FHDC1: variants seen among roughly 807,000 people sequenced by gnomAD.
FHDC1 encodes FH2 domain-containing protein 1.
Under a neutral mutation model 52.6 loss-of-function variants are expected in FHDC1, and 25 were observed. The ratio of observed to expected loss-of-function variants is 0.48; its 90% confidence interval spans 0.35 to 0.66. FHDC1 has a LOEUF of 0.66. Ranked by LOEUF, FHDC1 falls within the 30% of genes least tolerant of loss-of-function variation. FHDC1 has a pLI of 0.01. For missense variants in FHDC1, 1,459 were observed against 1,452.8 expected, an observed-to-expected ratio of 1.00 and a Z score of -0.07; for synonymous variants, 616 against 581.5, an observed-to-expected ratio of 1.06 and a Z score of -0.85.
chr4:152,933,225 T>C (rs113467390), upstream of FHDC1, among the ~76,000 whole-genome samples: 2 of 152,340 alleles, frequency 1.3e-5, no homozygotes, highest in African/African-American at 4.8e-5. Flanking sequence ...TTGGGCACAC[T>C]GGGCTTCAGG....
Position 152,943,265 on chromosome 4 carries a change from C to T in FHDC1, c.208C>T (p.Pro70Ser), listed in dbSNP as rs890483478. 2 of 1,408,766 alleles carry T rather than the reference C, an allele frequency of 1.4e-6. No homozygotes were observed. Among genetic ancestry groups the T allele is most frequent in the East Asian group, 3.0e-5 (1 of 32,952 alleles). 87.3% of individuals were successfully genotyped at this position (1,408,766 alleles called of 1,614,324 possible). A position where few individuals can be genotyped will look rare whatever the true frequency, so the allele number is the denominator to read the frequency against. The change falls in exon 2 of 12, where the codon CCT (proline) becomes TCT (serine). Residue 70 changes from proline (P) to serine (S), a missense_variant. Physicochemically the swap from Pro to Ser is moderately conservative, Grantham distance 74. This residue lies in a region of FHDC1 where 513 missense variants were observed against 581.5 expected (regional missense o/e 0.88). Transcript: ENST00000511601. Reference sequence around the variant, plus strand: ...CCCACCACCTCCACTTCCTGGGGAGCCTCCCATCCCACCTCCCCCACCAGG... The same window carrying T: ...CCCACCACCTCCACTTCCTGGGGAGTCTCCCATCCCACCTCCCCCACCAGG... ...PPPPPPLPGEPPIPPPPPGLP... is the reference protein window; with the variant it reads ...PPPPPPLPGESPIPPPPPGLP...
Position 152,960,669 on chromosome 4 carries a change from GTTA to G in FHDC1, c.749+25_749+27del, listed in dbSNP as rs745830413. On this transcript the variant is annotated intron_variant, in intron 5 of 11. Transcript: ENST00000511601. ...TGCCAAAGTAAGGATACAGTCGCTG[GTTA>G]TTATTCTTCACGCAGTAAGATTTTT... 6.2e-7 allele frequency: 1 copy of G among 1,613,576 alleles called. No homozygotes were observed. The highest frequency in any genetic ancestry group is 8.5e-7 in the Non-Finnish European group (1 of 1,179,768).
chr4:152,937,699 G>A (rs761385961), intron 1 of FHDC1, among the ~76,000 whole-genome samples: 5 of 151,872 alleles, frequency 3.3e-5, no homozygotes, highest in Non-Finnish European at 5.9e-5. Flanking sequence ...GCGTGTGGGC[G>A]TCGATCTCAG....
chr4:152,944,444 T>G (rs768726443), intron 2 of FHDC1, among the ~76,000 whole-genome samples: 36 of 152,082 alleles, frequency 2.4e-4, no homozygotes, highest in Non-Finnish European at 5.1e-4. Flanking sequence ...CAGAAATTCA[T>G]CATTTAAAAA....
chr4:152,956,524 A>T (rs1740088535), intron 4 of FHDC1, among the ~76,000 whole-genome samples: 1 of 152,188 alleles, frequency 6.6e-6, no homozygotes, highest in Admixed American at 6.5e-5. Flanking sequence ...ATTTAAAAGA[A>T]CTTTGTATTT....
chr4:152,921,572 TCCTTCCTTCCTTCCTCCCTC>T, the FHDC1 span, among the ~76,000 whole-genome samples: 2 of 139,872 alleles, frequency 1.4e-5, no homozygotes, highest in Admixed American at 7.3e-5. Flanking sequence ...CTTCCTTCCT[TCCTTCCTTCCTTCCTCCCTC>T]CCTCCCTCCC....
In FHDC1 at chr4:152,975,953, G is replaced by A; in HGVS notation, c.2662G>A (p.Ala888Thr). 1 of 1,517,894 alleles carries A rather than the reference G, an allele frequency of 6.6e-7. No homozygotes were observed. The highest frequency in any genetic ancestry group is 1.8e-4 in the Middle Eastern group (1 of 5,600). The allele number at this position is 1,517,894 out of a possible 1,614,324, so 94.0% of individuals were successfully genotyped here. ...CGCCCGGCGGAGCCAGGGGGCAGTG[G>A]CCAAGTCTGTGCGGACCCTGACCGC... ...GSARRSQGAV[A>T]KSVRTLTASE... Residue 888 changes from alanine (A) to threonine (T), a missense_variant, in exon 12 of 12, where the codon GCC becomes ACC. Around this residue, in one of 3 missense-constraint regions of FHDC1, gnomAD observed 939 missense variants for 854.5 expected, o/e 1.10. Coordinates refer to ENST00000511601, the MANE Select transcript of FHDC1 (RefSeq NM_001371116.1).
chr4:152,965,652 A>AG (rs1215089112), intron 9 of FHDC1, among the ~76,000 whole-genome samples: 1 of 152,186 alleles, frequency 6.6e-6, no homozygotes, highest in Non-Finnish European at 1.5e-5. Context: ...CAGCTGTTGG[A>AG]GAAAAAAGTC....
At chr4:152,964,471 C>A (rs554729447) in intron 8 of FHDC1, among the ~76,000 whole-genome samples, 1 of 152,304 alleles carries the variant, frequency 6.6e-6, no homozygotes, top group East Asian at 1.9e-4. Flanking sequence ...GCCTTCCTCT[C>A]ACCTCCTGAA....
At chr4:152,924,556 C>A in the FHDC1 span, among the ~76,000 whole-genome samples, 1 of 152,108 alleles carries the variant, frequency 6.6e-6, no homozygotes, top group Non-Finnish European at 1.5e-5. Context: ...AAGACACATG[C>A]ACACGTATGT....
chr4:152,946,359 G>C (rs1311547196), intron 2 of FHDC1, among the ~76,000 whole-genome samples: 1 of 152,152 alleles, frequency 6.6e-6, no homozygotes, highest in Non-Finnish European at 1.5e-5. Context: ...AGTGCATTAG[G>C]TAATGCTGTC....
At chr4:152,959,398 A>G (rs1003160226) in intron 4 of FHDC1, among the ~76,000 whole-genome samples, 2 of 152,226 alleles carry the variant, frequency 1.3e-5, no homozygotes, top group Non-Finnish European at 2.9e-5. Context: ...ACCTGTTGTC[A>G]GAACTCTTCT....
At chr4:152,921,567 T>G in the FHDC1 span, among the ~76,000 whole-genome samples, 1 of 136,972 alleles carries the variant, frequency 7.3e-6, no homozygotes. Flanking sequence ...CCTTCCTTCC[T>G]TCCTTCCTTC....
chr4:152,953,231 T>C (rs1739980384), intron 2 of FHDC1, among the ~76,000 whole-genome samples: 1 of 152,230 alleles, frequency 6.6e-6, no homozygotes, highest in South Asian at 2.1e-4. Context: ...GGACCATCTG[T>C]ATATTAAAAG....
intron 1 of FHDC1, among the ~76,000 whole-genome samples, chr4:152,937,326 C>T (rs1739413518): frequency 6.6e-6 from 1 of 152,082 alleles, no homozygotes; most frequent in African/African-American, 2.4e-5. Context: ...GCCGGAAGAC[C>T]CCCCCTTTCG....
intron 3 of FHDC1, 96 bp downstream of exon 3, chr4:152,953,656 C>T: frequency 8.1e-6 from 8 of 986,848 alleles, no homozygotes; most frequent in South Asian, 2.7e-5. Context: ...ATTCCTCACA[C>T]CTTCAAATCC....
At chr4:152,962,568 A>G (rs980770363) in intron 6 of FHDC1, among the ~76,000 whole-genome samples, 2 of 152,144 alleles carry the variant, frequency 1.3e-5, no homozygotes, top group Non-Finnish European at 2.9e-5. Flanking sequence ...TTATTGAACT[A>G]TTTTGTGCTA....
intron 1 of FHDC1, among the ~76,000 whole-genome samples, chr4:152,939,536 C>G (rs545336426): frequency 3.9e-5 from 6 of 152,174 alleles, no homozygotes; most frequent in African/African-American, 9.6e-5. Flanking sequence ...TTTGAAGACC[C>G]TTAACGAACG....
At chr4:152,927,576 G>A in the FHDC1 span, 4 of 1,592,256 alleles carry the variant, frequency 2.5e-6, no homozygotes, top group Middle Eastern at 1.8e-4. Context: ...TCAGAAGAAT[G>A]TCCAGAGGAG....
Sources: allele counts gnomAD v4.1 joint callset (sites outside exome capture counted in the v4.1 genomes callset), GRCh38; gene constraint gnomAD v4.1.1; regional missense constraint gnomAD v4.1.1; transcripts MANE v1.5; gene names NCBI Gene and HGNC (gene_info 2026-07-23, HGNC 2026-07-21).